Variants in SLC24A2 observed in about 807,000 individuals in gnomAD.
The protein encoded by SLC24A2 is solute carrier family 24 member 2.
Under a neutral mutation model 62.0 loss-of-function variants are expected in SLC24A2, and 36 were observed. The ratio of observed to expected loss-of-function variants is 0.58; its 90% CI spans 0.44 to 0.77. The LOEUF (loss-of-function observed/expected upper bound fraction) is 0.77. Ranked by LOEUF, SLC24A2 falls within the 30% of genes least tolerant of loss-of-function variation. The pLI is 0.00. For missense variants in SLC24A2, 846 were observed against 817.9 expected, an observed-to-expected ratio of 1.03 and a Z score of -0.42; for synonymous variants, 358 against 294.0, an observed-to-expected ratio of 1.22 and a Z score of -2.23.
chr9:19,755,760 GTGCT>G lies in SLC24A2; in HGVS notation c.930+30173_930+30176del, dbSNP rs112007260. ...AGTTTGTTATCTGTAGACAGCCAACGTGCTAGTCAGAACAGTCAACTTCACAGTT... is the reference window on the plus strand; with the variant it reads ...AGTTTGTTATCTGTAGACAGCCAACGAGTCAGAACAGTCAACTTCACAGTT... On this transcript the variant is annotated intron_variant, in intron 2 of 10. Coordinates refer to ENST00000341998, the MANE Select transcript of SLC24A2 (RefSeq NM_020344.4). Among the ~76,000 whole-genome samples, 389 of 152,292 alleles carry G rather than the reference GTGCT, an allele frequency of 2.6e-3. 3 individuals carry two copies. Among genetic ancestry groups the G allele is most frequent in the African/African-American group, 8.9e-3 (369 of 41,552 alleles).
At chr9:20,119,425 G>C in the SLC24A2 span, among the ~76,000 whole-genome samples, 1 of 151,916 alleles carries the variant, frequency 6.6e-6, no homozygotes, top group Non-Finnish European at 1.5e-5. Flanking sequence ...TATAAAACAG[G>C]AATTCCAAAA....
chr9:19,668,955 A>G lies in SLC24A2; in HGVS notation c.931-46656T>C, dbSNP rs143110769. ...CTGAATGAATAAGTGAATGAGTGCT[A>G]TATTTCATCAGCCTGTCTCTGTTGG... On this transcript the variant is annotated intron_variant, in intron 2 of 10. Transcript: ENST00000341998. Among the ~76,000 whole-genome samples the G allele has an allele frequency of 6.6e-5, 10 of 152,330 alleles. No individual in the cohort carries two copies. The East Asian group carries it at 1.9e-3, about 29-fold the overall frequency.
At chr9:20,144,394 C>A in the SLC24A2 span, among the ~76,000 whole-genome samples, 3 of 152,162 alleles carry the variant, frequency 2.0e-5, no homozygotes, top group South Asian at 6.2e-4. Context: ...ACAAACACAG[C>A]CTTCTGTTAT....
At chr9:20,179,243 T>C in the SLC24A2 span, among the ~76,000 whole-genome samples, 2 of 152,078 alleles carry the variant, frequency 1.3e-5, no homozygotes, top group Admixed American at 6.6e-5. Flanking sequence ...CACTCAGGCA[T>C]ATTGCCCTTC....
the SLC24A2 span, among the ~76,000 whole-genome samples, chr9:20,054,871 C>T: frequency 6.6e-6 from 1 of 152,148 alleles, no homozygotes; most frequent in Non-Finnish European, 1.5e-5. Context: ...AATGTTGCCT[C>T]CTCCACCTTC....
chr9:19,843,727 G>T, the SLC24A2 span, among the ~76,000 whole-genome samples: 1 of 151,958 alleles, frequency 6.6e-6, no homozygotes, highest in Non-Finnish European at 1.5e-5. Flanking sequence ...CCATCTTTAT[G>T]TCCATGAGTC....
At chr9:19,787,164 T>C (rs1587327812) in intron 1 of SLC24A2, 145 bp from the exon 2 acceptor site, 2 of 268,572 alleles carry the variant, frequency 7.4e-6, no homozygotes, top group Non-Finnish European at 1.1e-5. Context: ...AGTTTCCTCA[T>C]TTAAAATGGG....
chr9:19,546,137 G>C (rs893653099), intron 8 of SLC24A2, among the ~76,000 whole-genome samples: 1 of 152,236 alleles, frequency 6.6e-6, no homozygotes. Flanking sequence ...AGGTAGGTCT[G>C]TTGGCCCCTA....
At chr9:20,039,719 G>T in the SLC24A2 span, among the ~76,000 whole-genome samples, 1 of 152,208 alleles carries the variant, frequency 6.6e-6, no homozygotes, top group South Asian at 2.1e-4. Flanking sequence ...GGATTCAGTT[G>T]TAAGAATTGG....
chr9:20,144,077 G>A, the SLC24A2 span, among the ~76,000 whole-genome samples: 1 of 152,244 alleles, frequency 6.6e-6, no homozygotes, highest in Admixed American at 6.5e-5. Context: ...CAAATGGCTT[G>A]GTGGCCACTC....
chr9:20,129,261 G>A, the SLC24A2 span, among the ~76,000 whole-genome samples: 2 of 152,128 alleles, frequency 1.3e-5, no homozygotes, highest in Non-Finnish European at 2.9e-5. Flanking sequence ...ACACCCATGA[G>A]AATGGCTATA....
chr9:19,772,996 G>T (rs1822735325), intron 2 of SLC24A2, among the ~76,000 whole-genome samples: 1 of 152,046 alleles, frequency 6.6e-6, no homozygotes, highest in Non-Finnish European at 1.5e-5. Context: ...ATATTATTTG[G>T]ACATAAAAAG....
the SLC24A2 span, among the ~76,000 whole-genome samples, chr9:20,280,647 T>C: frequency 6.6e-6 from 1 of 152,152 alleles, no homozygotes; most frequent in Admixed American, 6.5e-5. Flanking sequence ...CTAGGTCAAA[T>C]TGTGGGTTAC....
the SLC24A2 span, among the ~76,000 whole-genome samples, chr9:20,179,388 C>G: frequency 6.6e-6 from 1 of 152,146 alleles, no homozygotes; most frequent in East Asian, 1.9e-4. Flanking sequence ...AATGAAATGT[C>G]CTGGTGTACG....
the SLC24A2 span, among the ~76,000 whole-genome samples, chr9:19,892,961 A>G: frequency 6.6e-6 from 1 of 152,170 alleles, no homozygotes; most frequent in African/African-American, 2.4e-5. Context: ...GACCAGGCAA[A>G]ACAAGGGGGA....
intron 2 of SLC24A2, among the ~76,000 whole-genome samples, chr9:19,750,754 C>T (rs1821958384): frequency 6.6e-6 from 1 of 152,160 alleles, no homozygotes; most frequent in Non-Finnish European, 1.5e-5. Context: ...TGGCTTTGGT[C>T]TGTTTCCAGC....
chr9:19,933,817 G>A, the SLC24A2 span, among the ~76,000 whole-genome samples: 16 of 152,222 alleles, frequency 1.1e-4, no homozygotes, highest in Admixed American at 7.2e-4. Context: ...TGGTGCATGC[G>A]ACCATGGGAA....
At chr9:19,953,273 C>G in the SLC24A2 span, among the ~76,000 whole-genome samples, 5 of 151,912 alleles carry the variant, frequency 3.3e-5, no homozygotes, top group African/African-American at 1.2e-4. Flanking sequence ...CTGCACAGCT[C>G]TAAGTTAGTA....
At chr9:19,650,600 C>G (rs1226406205) in intron 2 of SLC24A2, among the ~76,000 whole-genome samples, 2 of 152,130 alleles carry the variant, frequency 1.3e-5, no homozygotes, top group Non-Finnish European at 2.9e-5. Context: ...GAGAGCAAAG[C>G]TAACTGGCCA....
Sources: gnomAD v4.1 joint callset for allele counts (sites outside exome capture counted in the v4.1 genomes callset) on GRCh38, gnomAD v4.1.1 for gene constraint, MANE v1.5 for transcripts, NCBI Gene and HGNC (gene_info 2026-07-23, HGNC 2026-07-21) for gene names.